Variants in ATAD2B observed in about 807,000 individuals in gnomAD.
ATAD2B encodes the protein ATPase family AAA domain-containing protein 2B.
Under a neutral mutation model 167.6 loss-of-function variants are expected in ATAD2B, and 40 were observed. The ratio of observed to expected loss-of-function variants is 0.24; its 90% CI spans 0.19 to 0.31. The LOEUF (loss-of-function observed/expected upper bound fraction) is 0.31, where lower values mean the gene tolerates loss of function less well. ATAD2B is among the 10% of genes least tolerant of loss of function. ATAD2B has a pLI of 1.00. For synonymous variants in ATAD2B, 579 were observed against 596.5 expected (o/e 0.97, Z 0.43); for missense variants, 1,242 against 1,757.2 (o/e 0.71, Z 5.24).
In ATAD2B at chr2:23,788,545, C is replaced by T. The variant is rs1233327904; in HGVS notation, c.2743G>A (p.Ala915Thr). 1.2e-6 allele frequency: 2 copies of T among 1,613,192 alleles called. No individual in the cohort carries two copies. The highest frequency in any genetic ancestry group is 2.2e-5 in the South Asian group (2 of 91,024). Residue 915 changes from alanine to threonine, a missense_variant, in exon 20 of 28, where the codon GCA becomes ACA. Transcript: ENST00000238789. Reference sequence around the variant, plus strand: ...TTCCTTCGTGGTGGAGCCATTGATGCCTGATTGAGAATCAATTCTTGAAAA... The same window carrying T: ...TTCCTTCGTGGTGGAGCCATTGATGTCTGATTGAGAATCAATTCTTGAAAA... ...KFFQELILNQ[A>T]SMAPPRRKHA...
intron 13 of ATAD2B, among the ~76,000 whole-genome samples, chr2:23,838,538 T>G (rs1427207475): frequency 6.6e-6 from 1 of 152,204 alleles, no homozygotes; most frequent in East Asian, 1.9e-4. Context: ...CCAAACTATT[T>G]GACACAATAT....
At chr2:23,864,966 A>G (rs1163291628) in intron 10 of ATAD2B, 42 bp from the exon 11 acceptor site, 1 of 1,177,944 alleles carries the variant, frequency 8.5e-7, no homozygotes. Context: ...ACAATTTTAT[A>G]TGTTTTATAG....
chr2:23,740,271 T>A, the ATAD2B span, among the ~76,000 whole-genome samples: 1 of 152,090 alleles, frequency 6.6e-6, no homozygotes, highest in Non-Finnish European at 1.5e-5. Flanking sequence ...CAGACCAATA[T>A]CCCTGATGAA....
chr2:23,746,875 A>G (rs1280956703), downstream of ATAD2B, among the ~76,000 whole-genome samples: 1 of 152,176 alleles, frequency 6.6e-6, no homozygotes, highest in African/African-American at 2.4e-5. Flanking sequence ...AGAGCACCAC[A>G]CTTTTAAAAA....
downstream of ATAD2B, among the ~76,000 whole-genome samples, chr2:23,745,407 A>AG (rs1553367877): frequency 1.9e-5 from 2 of 105,456 alleles, no homozygotes; most frequent in Admixed American, 9.1e-5. Context: ...GAAGGAAGGA[A>AG]GGAAGGAAGG....
chr2:23,680,092 G>A, the ATAD2B span, among the ~76,000 whole-genome samples: 1 of 152,178 alleles, frequency 6.6e-6, no homozygotes, highest in Non-Finnish European at 1.5e-5. This position sits in a 1 kb window ranked among gnomAD's most constrained non-coding sequence, Gnocchi z 4.1. Context: ...GAGGTGGCCT[G>A]GAGGGGGACA....
chr2:23,800,734 G>C (rs985582651), intron 18 of ATAD2B, among the ~76,000 whole-genome samples: 1 of 151,098 alleles, frequency 6.6e-6, no homozygotes, highest in Non-Finnish European at 1.5e-5. Context: ...TTAACAAATT[G>C]AACATGATAT....
At chr2:23,848,695 T>C (rs1393276375) in intron 13 of ATAD2B, among the ~76,000 whole-genome samples, 1 of 151,976 alleles carries the variant, frequency 6.6e-6, no homozygotes, top group Non-Finnish European at 1.5e-5. Flanking sequence ...ACTGGAATCA[T>C]AAAAAATATT....
intron 22 of ATAD2B, among the ~76,000 whole-genome samples, chr2:23,771,217 A>G (rs748062824): frequency 6.6e-6 from 1 of 152,218 alleles, no homozygotes; most frequent in Non-Finnish European, 1.5e-5. Flanking sequence ...AGGATTTTCT[A>G]TGTAGACATC....
chr2:23,714,296 G>A, the ATAD2B span, among the ~76,000 whole-genome samples: 1 of 148,942 alleles, frequency 6.7e-6, no homozygotes, highest in African/African-American at 2.5e-5. Flanking sequence ...CTGGAGTGCA[G>A]TGGCGCGATC....
chr2:23,678,496 ATGAGT>A, the ATAD2B span, among the ~76,000 whole-genome samples: 2 of 152,204 alleles, frequency 1.3e-5, no homozygotes, highest in African/African-American at 4.8e-5. Context: ...TGGAGCAGAA[ATGAGT>A]TGTCCCAGAT....
At chr2:23,818,966 A>G (rs183447698) in intron 17 of ATAD2B, among the ~76,000 whole-genome samples, 4 of 152,354 alleles carry the variant, frequency 2.6e-5, no homozygotes, top group African/African-American at 4.8e-5. Context: ...AGAAAATCAA[A>G]AAGTTATTTA....
intron 2 of ATAD2B, among the ~76,000 whole-genome samples, chr2:23,890,058 C>T (rs1039302479): frequency 1.4e-5 from 2 of 146,064 alleles, no homozygotes; most frequent in East Asian, 4.1e-4. Context: ...ACTAAAAATA[C>T]AAAAAAATCA....
At chr2:23,699,174 G>A in the ATAD2B span, among the ~76,000 whole-genome samples, 4 of 152,186 alleles carry the variant, frequency 2.6e-5, no homozygotes, top group Non-Finnish European at 4.4e-5. Context: ...GCAGAGGCAC[G>A]GGCTCTGGGA....
chr2:23,910,367 G>C (rs554968399), intron 1 of ATAD2B, among the ~76,000 whole-genome samples: 1 of 150,308 alleles, frequency 6.7e-6, no homozygotes, highest in South Asian at 2.1e-4. Context: ...TAGTACAGAC[G>C]GGGTTTCTCC....
At chr2:23,734,005 T>C in the ATAD2B span, among the ~76,000 whole-genome samples, 1 of 152,198 alleles carries the variant, frequency 6.6e-6, no homozygotes, top group Non-Finnish European at 1.5e-5. Flanking sequence ...CTTCCCTGAT[T>C]TTTATTGCAT....
intron 2 of ATAD2B, among the ~76,000 whole-genome samples, chr2:23,893,887 C>T (rs1407503283): frequency 1.3e-5 from 2 of 151,754 alleles, no homozygotes; most frequent in East Asian, 2.0e-4. Context: ...TGTTCTTGAA[C>T]TCCTGGGCTC....
intron 10 of ATAD2B, among the ~76,000 whole-genome samples, chr2:23,866,320 G>T (rs1334168238): frequency 1.3e-5 from 2 of 152,130 alleles, no homozygotes; most frequent in South Asian, 4.1e-4. Context: ...CAGGAGAATC[G>T]CTTGAACCCG....
At chr2:23,803,765 T>C (rs573731637) in intron 18 of ATAD2B, among the ~76,000 whole-genome samples, 1 of 152,192 alleles carries the variant, frequency 6.6e-6, no homozygotes, top group Non-Finnish European at 1.5e-5. Context: ...ATCCCCACAG[T>C]ATAAACAATA....
Sources: gnomAD v4.1 joint callset for allele counts (sites outside exome capture counted in the v4.1 genomes callset) on GRCh38, gnomAD v4.1.1 for gene constraint, Gnocchi (gnomAD v3.1) non-coding constraint, MANE v1.5 for transcripts, NCBI Gene and HGNC (gene_info 2026-07-23, HGNC 2026-07-21) for gene names.